The following ALG6 variants were observed in gnomAD, a reference collection of about 807,000 sequenced individuals.
The protein encoded by ALG6 is dolichyl pyrophosphate Man9GlcNAc2 alpha-1,3-glucosyltransferase.
In ALG6, 46 loss-of-function variants were observed where a neutral mutation model predicts 66.6. The ratio of observed to expected loss-of-function variants is 0.69; its 90% CI spans 0.55 to 0.88. ALG6 has a LOEUF of 0.88. Ranked by LOEUF, ALG6 falls within the 40% of genes least tolerant of loss-of-function variation. The pLI, the probability that ALG6 is intolerant of heterozygous loss-of-function variation, is 0.00. For synonymous variants in ALG6, 185 were observed against 203.7 expected, an observed-to-expected ratio of 0.91 and a Z score of 0.78; for missense variants, 505 against 586.8, an observed-to-expected ratio of 0.86 and a Z score of 1.44.
At chr1:63,375,642 T>A (rs963235909) in intron 2 of ALG6, among the ~76,000 whole-genome samples, 6 of 152,098 alleles carry the variant, frequency 3.9e-5, no homozygotes, top group Non-Finnish European at 8.8e-5. Flanking sequence ...TAGGGAGTAT[T>A]CTCTCTTTTT....
At chr1:63,409,404 A>C (rs1202065449) in intron 7 of ALG6, among the ~76,000 whole-genome samples, 3 of 152,050 alleles carry the variant, frequency 2.0e-5, no homozygotes, top group Non-Finnish European at 4.4e-5. Context: ...ATTCTGTTAT[A>C]TTATTTCTTT....
intron 14 of ALG6, among the ~76,000 whole-genome samples, chr1:63,432,175 C>G (rs1291065973): frequency 6.6e-6 from 1 of 151,588 alleles, no homozygotes; most frequent in Non-Finnish European, 1.5e-5. Context: ...TGAGGAAGTT[C>G]TCTTCAATTC....
chr1:63,407,116 G>A lies in ALG6; in HGVS notation c.484G>A (p.Gly162Arg), dbSNP rs766370160. 1 of 1,606,432 alleles carries A rather than the reference G, an allele frequency of 6.2e-7. No homozygotes were observed. Among genetic ancestry groups the A allele is most frequent in the Non-Finnish European group, 8.5e-7 (1 of 1,173,698 alleles). The change falls in exon 7 of 15, where the codon GGA (glycine) becomes AGA (arginine). Residue 162 changes from glycine (G) to arginine (R), a missense_variant. Gly to Arg is a moderately radical substitution (Grantham distance 125). Transcript: ENST00000263440. ...LYPGLILIDY[G>R]HFQYNSVSLG... ...TCCAGGCCTTATTCTTATAGACTAT[G>A]GACATTTTCAGTATCCTTTACTAAT...
In ALG6 at chr1:63,411,219, T is replaced by A. The variant is rs1412957956; in HGVS notation, c.568T>A (p.Ser190Thr). ...GISCDCDLLG[S>T]LAFCLAINYK... The stretch of plus-strand genomic sequence containing the variant: ...ATCTTGTGACTGCGACCTCCTAGGG[T>A]CACTGGCATTTTGCTTAGCTATAAA... The change falls in exon 8 of 15, where the codon TCA becomes ACA. Residue 190 changes from serine (S) to threonine (T), a missense_variant. Ser to Thr is a moderately conservative substitution (Grantham distance 58). Transcript: ENST00000263440. 1.9e-6 allele frequency: 3 copies of A among 1,613,838 alleles called. No homozygotes were observed. Among genetic ancestry groups the A allele is most frequent in the Non-Finnish European group, 2.5e-6 (3 of 1,179,898 alleles).
chr1:63,397,946 C>T (rs942982143), intron 3 of ALG6, among the ~76,000 whole-genome samples: 6 of 152,154 alleles, frequency 3.9e-5, no homozygotes, highest in African/African-American at 1.4e-4. Context: ...TAGCATGTAA[C>T]GAACTCTCAA....
intron 2 of ALG6, among the ~76,000 whole-genome samples, chr1:63,372,820 C>A (rs1326887762): frequency 6.6e-6 from 1 of 151,656 alleles, no homozygotes; most frequent in African/African-American, 2.4e-5. Context: ...CCATCATGCC[C>A]AGCTAATTTT....
At chr1:63,377,678 C>T (rs1216882839) in intron 2 of ALG6, among the ~76,000 whole-genome samples, 1 of 152,070 alleles carries the variant, frequency 6.6e-6, no homozygotes, top group African/African-American at 2.4e-5. Flanking sequence ...GATTTTTAAT[C>T]CTATAAATTA....
intron 2 of ALG6, among the ~76,000 whole-genome samples, chr1:63,379,383 A>G (rs889522295): frequency 1.3e-5 from 2 of 152,228 alleles, no homozygotes; most frequent in African/African-American, 4.8e-5. Flanking sequence ...GAGTTTTCAT[A>G]GGACTCTTTT....
chr1:63,391,211 C>G lies in ALG6; in HGVS notation c.83-5302C>G, dbSNP rs528603553. On this transcript the variant is annotated intron_variant, in intron 2 of 14. Coordinates refer to ENST00000263440, the MANE Select transcript of ALG6 (RefSeq NM_013339.4). Reference sequence around the variant, plus strand: ...TTTTCCTTCTGTCCTTCTAGGTTCTCTAATGTGCCCGTGTAACAAAAGACA... The same window carrying G: ...TTTTCCTTCTGTCCTTCTAGGTTCTGTAATGTGCCCGTGTAACAAAAGACA... Among the ~76,000 whole-genome samples, 3 of 152,278 alleles carry G rather than the reference C, an allele frequency of 2.0e-5. No homozygotes were observed. The South Asian group carries it at 6.2e-4, about 32-fold the overall frequency.
rs188981469 is a variant in ALG6, at chr1:63,376,181, C to T, written c.82+5122C>T. 2.1e-3 allele frequency among the ~76,000 whole-genome samples: 318 copies of T among 152,276 alleles called. 2 individuals carry two copies. Among genetic ancestry groups the T allele is most frequent in the African/African-American group, 7.5e-3 (313 of 41,546 alleles). ...GGCTGTACATTATAGCCTATTGCTC[C>T]TAGGCTACAAACCTATACAACATGT... On this transcript the variant is annotated intron_variant, in intron 2 of 14. Transcript: ENST00000263440.
In ALG6 at chr1:63,396,032, A is replaced by G. The variant is rs149411778; in HGVS notation, c.83-481A>G. 3.9e-5 allele frequency among the ~76,000 whole-genome samples: 6 copies of G among 152,340 alleles called. No individual in the cohort carries two copies. In the East Asian group the frequency reaches 1.2e-3, roughly 29 times the overall value. ...ATCTAAAGATGATTTAAAGTATACA[A>G]GAGAATGAGCAGAGGTTATATGCAA... On this transcript the variant is annotated intron_variant, in intron 2 of 14. Transcript: ENST00000263440.
chr1:63,406,205 G>A, intron 5 of ALG6, 112 bp from the exon 6 acceptor site: 1 of 937,340 alleles, frequency 1.1e-6, no homozygotes, highest in Non-Finnish European at 1.7e-6. Flanking sequence ...GTCCATAGTA[G>A]GGCAAGAACC....
At chr1:63,429,550 G>C (rs1032228799) in intron 14 of ALG6, 1 of 163,452 alleles carries the variant, frequency 6.1e-6, no homozygotes, top group African/African-American at 2.4e-5. Context: ...CAAGATCAAG[G>C]TTCTACCATC....
chr1:63,382,286 C>T lies in ALG6; in HGVS notation c.82+11227C>T, dbSNP rs189963255. 1.8e-4 allele frequency among the ~76,000 whole-genome samples: 27 copies of T among 151,578 alleles called. 1 individual carries two copies. In the East Asian group the frequency reaches 5.1e-3, roughly 28 times the overall value. On this transcript the variant is annotated intron_variant, in intron 2 of 14. Transcript: ENST00000263440. ...GTGCCATCTCGACTTACTGCAACCT[C>T]TGCCTCCCCGGTTCAAGCAATTCTT...
chr1:63,428,853 T>C, intron 13 of ALG6, 52 bp downstream of exon 13: 3 of 1,588,356 alleles, frequency 1.9e-6, no homozygotes, highest in Non-Finnish European at 8.6e-7. Flanking sequence ...GTAAACTAAT[T>C]TAAAACTTTT....
intron 2 of ALG6, among the ~76,000 whole-genome samples, chr1:63,394,857 A>G (rs1570050637): frequency 6.8e-6 from 1 of 147,586 alleles, no homozygotes; most frequent in Non-Finnish European, 1.5e-5. Context: ...TAATGATAAT[A>G]CCTATTTCTT....
chr1:63,429,850 A>AGTGTGTGTGT (rs60383332), intron 14 of ALG6: 2,898 of 144,324 alleles, frequency 0.02, 44 homozygotes, highest in Non-Finnish European at 0.024. Context: ...TCTTTCACTT[A>AGTGTGTGTGT]GTGTGTGTGT....
intron 9 of ALG6, 37 bp downstream of exon 9, chr1:63,412,098 T>C: frequency 6.2e-7 from 1 of 1,613,536 alleles, no homozygotes; most frequent in African/African-American, 1.3e-5. Flanking sequence ...TCTGTTACTG[T>C]ACCTTACCTG....
At chr1:63,416,353 T>C (rs1644546102) in intron 11 of ALG6, among the ~76,000 whole-genome samples, 3 of 151,926 alleles carry the variant, frequency 2.0e-5, no homozygotes, top group Non-Finnish European at 2.9e-5. Context: ...TTAGGGCAAG[T>C]GGGATTTGAG....
Sources: allele counts gnomAD v4.1 joint callset (sites outside exome capture counted in the v4.1 genomes callset), GRCh38; gene constraint gnomAD v4.1.1; transcripts MANE v1.5; gene names NCBI Gene and HGNC (gene_info 2026-07-23, HGNC 2026-07-21).